RYR3: variants seen among roughly 807,000 people sequenced by gnomAD.
RYR3 encodes ryanodine receptor 3, also known as brain ryanodine receptor-calcium release channel.
Under a neutral mutation model 584.3 loss-of-function variants are expected in RYR3, and 207 were observed. The ratio of observed to expected loss-of-function variants is 0.35; its 90% CI spans 0.32 to 0.40. The LOEUF (loss-of-function observed/expected upper bound fraction) is 0.40, where lower values mean the gene tolerates loss of function less well. RYR3 is among the 10% of genes least tolerant of loss of function. The pLI is 1.00. For synonymous variants in RYR3, 2,416 were observed against 2,248.5 expected (o/e 1.07, Z -2.11); for missense variants, 5,616 against 6,089.2 (o/e 0.92, Z 2.59).
chr15:33,862,694 T>C (rs902824051), intron 102 of RYR3, among the ~76,000 whole-genome samples: 1 of 151,632 alleles, frequency 6.6e-6, no homozygotes, highest in Non-Finnish European at 1.5e-5. Flanking sequence ...CACTGTAGCC[T>C]CCACCTCCTG....
chr15:33,840,937 G>A, intron 90 of RYR3, 54 bp downstream of exon 90: 1 of 1,541,558 alleles, frequency 6.5e-7, no homozygotes, highest in Non-Finnish European at 8.9e-7. Context: ...TAATTCTTAG[G>A]CCAGGCAGAG....
At position 33,399,492 on chromosome 15, in the gene RYR3, G is replaced by T. The variant is rs978322002; in HGVS notation, c.52-73927G>T. On this transcript the variant is annotated intron_variant, in intron 1 of 103. Transcript: ENST00000634891. ...TGTCTCTATTAAGATACAAAAAATAGCTGGGTGTGGTGGCCGGCGCCTGTA... is the reference window on the plus strand; with the variant it reads ...TGTCTCTATTAAGATACAAAAAATATCTGGGTGTGGTGGCCGGCGCCTGTA... Among the ~76,000 whole-genome samples, 7 of 152,244 alleles carry T rather than the reference G, an allele frequency of 4.6e-5. No individual in the cohort carries two copies. In the East Asian group the frequency reaches 1.2e-3, roughly 25 times the overall value.
At chr15:33,342,082 G>A (rs1209067647) in intron 1 of RYR3, among the ~76,000 whole-genome samples, 1 of 152,170 alleles carries the variant, frequency 6.6e-6, no homozygotes, top group Non-Finnish European at 1.5e-5. Flanking sequence ...AATCAACATG[G>A]AAGTGGGTGG....
At chr15:33,478,104 G>T (rs373221863) in intron 2 of RYR3, among the ~76,000 whole-genome samples, 10 of 137,042 alleles carry the variant, frequency 7.3e-5, no homozygotes, top group Admixed American at 4.0e-4. Flanking sequence ...CCACTTGAGG[G>T]GGTTGGGGGG....
chr15:33,780,696 A>T (rs535990605), intron 65 of RYR3, among the ~76,000 whole-genome samples: 144 of 152,288 alleles, frequency 9.5e-4, no homozygotes, highest in Non-Finnish European at 1.5e-3. Context: ...CCAGAGTGGT[A>T]TCAGAAGGTG....
intron 1 of RYR3, among the ~76,000 whole-genome samples, chr15:33,418,754 G>C (rs1443220164): frequency 6.6e-6 from 1 of 152,230 alleles, no homozygotes; most frequent in Middle Eastern, 3.4e-3. Flanking sequence ...TACACACTGG[G>C]GGTAGAGATA....
At chr15:33,798,617 C>G (rs1453515566) in intron 67 of RYR3, among the ~76,000 whole-genome samples, 1 of 152,140 alleles carries the variant, frequency 6.6e-6, no homozygotes, top group African/African-American at 2.4e-5. Context: ...TTGATCAGAA[C>G]TTAGTTACAT....
At chr15:33,316,896 C>T (rs941074595) in intron 1 of RYR3, among the ~76,000 whole-genome samples, 1 of 152,206 alleles carries the variant, frequency 6.6e-6, no homozygotes, top group South Asian at 2.1e-4. Flanking sequence ...GTTGGACAGC[C>T]TCTAGTGTTG....
chr15:33,616,410 C>T (rs752094770), intron 19 of RYR3, among the ~76,000 whole-genome samples: 3 of 152,006 alleles, frequency 2.0e-5, no homozygotes, highest in South Asian at 4.2e-4. Flanking sequence ...TGACAAGAAC[C>T]GCAGTTAGCA....
chr15:33,679,945 G>A (rs1026506841), intron 38 of RYR3, among the ~76,000 whole-genome samples: 2 of 152,114 alleles, frequency 1.3e-5, no homozygotes, highest in Non-Finnish European at 2.9e-5. Context: ...AAAGATAACT[G>A]TTTTTCTGAG....
At chr15:33,730,221 T>C (rs2152820311) in intron 47 of RYR3, among the ~76,000 whole-genome samples, 2 of 152,298 alleles carry the variant, frequency 1.3e-5, no homozygotes, top group African/African-American at 4.8e-5. Context: ...ACTCATGGGA[T>C]CTCCCCAAGC....
rs117936913 is a variant in RYR3, at chr15:33,612,282, A to G, written c.2165-901A>G. Among the ~76,000 whole-genome samples the G allele has an allele frequency of 0.013, 1,950 of 152,356 alleles. 136 individuals carry two copies. In the East Asian group the frequency reaches 0.21, roughly 17 times the overall value. On this transcript the variant is annotated intron_variant, in intron 18 of 103. Transcript: ENST00000634891. ...AGTTTTTTAATCAATTCAGAGTATAACTGGCAATGTGTTTTCCTGCTTATC... is the reference window on the plus strand; with the variant it reads ...AGTTTTTTAATCAATTCAGAGTATAGCTGGCAATGTGTTTTCCTGCTTATC...
chr15:33,665,499 C>G lies in RYR3; in HGVS notation c.5619+1762C>G, dbSNP rs184435870. Among the ~76,000 whole-genome samples, 4 of 152,328 alleles carry G rather than the reference C, an allele frequency of 2.6e-5. No homozygotes were observed. The East Asian group carries it at 7.7e-4, about 29-fold the overall frequency. ...TATCAGTGACCCGATGAGTGGAGTT[C>G]ACACATGTTTTCTGGCATCTCTTTC... On this transcript the variant is annotated intron_variant, in intron 36 of 103. Transcript: ENST00000634891.
At chr15:33,562,376 A>C (rs2057457488) in intron 10 of RYR3, among the ~76,000 whole-genome samples, 2 of 152,170 alleles carry the variant, frequency 1.3e-5, no homozygotes, top group African/African-American at 4.8e-5. Context: ...TTTATAAGAA[A>C]TTTTTACATG....
At chr15:33,492,227 A>G (rs185515646) in intron 2 of RYR3, among the ~76,000 whole-genome samples, 2 of 152,186 alleles carry the variant, frequency 1.3e-5, no homozygotes, top group South Asian at 2.1e-4. Flanking sequence ...GTAAACATCT[A>G]GTGGTGGTGG....
intron 1 of RYR3, among the ~76,000 whole-genome samples, chr15:33,368,338 C>CTTTTTTTTTTTTTTT (rs35491164): frequency 1.2e-5 from 1 of 85,824 alleles, no homozygotes; most frequent in Admixed American, 1.4e-4. Flanking sequence ...GCCTTCCTGT[C>CTTTTTTTTTTTTTTT]TTTTTTTTTT....
intron 56 of RYR3, 53 bp from the exon 57 acceptor site, chr15:33,750,110 C>T (rs2071135139): frequency 5.6e-6 from 9 of 1,607,314 alleles, no homozygotes; most frequent in Middle Eastern, 1.7e-4. Context: ...GCTATGGTCT[C>T]CCAGAAGTGC....
At chr15:33,550,374 C>A in intron 10 of RYR3, 58 bp downstream of exon 10, 2 of 1,501,528 alleles carry the variant, frequency 1.3e-6, no homozygotes, top group South Asian at 1.3e-5. Flanking sequence ...TCAGAAACCT[C>A]CAGGCAGAAC....
At position 33,580,101 on chromosome 15, in the gene RYR3, A is replaced by G; in HGVS notation, c.1394A>G (p.Lys465Arg). The G allele has an allele frequency of 6.2e-7, 1 of 1,612,820 alleles. No individual in the cohort carries two copies. The highest frequency in any genetic ancestry group is 1.1e-5 in the South Asian group (1 of 90,804). ...EEMRHEDKQN[K>R]LRSLKNRQNL... ...ATGCGACATGAAGACAAGCAGAACAAGCTCCGCTCACTCAAAAACAGACAA... is the reference window on the plus strand; with the variant it reads ...ATGCGACATGAAGACAAGCAGAACAGGCTCCGCTCACTCAAAAACAGACAA... The change falls in exon 13 of 104, where the codon AAG (lysine) becomes AGG (arginine). Residue 465 changes from lysine (K) to arginine (R), a missense_variant. Transcript: ENST00000634891.
Sources: gnomAD v4.1 joint callset for allele counts (sites outside exome capture counted in the v4.1 genomes callset) on GRCh38, gnomAD v4.1.1 for gene constraint, MANE v1.5 for transcripts, NCBI Gene and HGNC (gene_info 2026-07-23, HGNC 2026-07-21) for gene names.